Variants in CADPS observed in about 807,000 individuals in gnomAD.
CADPS encodes calcium-dependent secretion activator 1.
A neutral mutation model predicts 167.3 loss-of-function variants in CADPS; 57 were observed. The ratio of observed to expected loss-of-function variants is 0.34; its 90% CI spans 0.28 to 0.42. The LOEUF is 0.42. Among genes scored for constraint, CADPS ranks in the 20% least tolerant of loss-of-function variants. The pLI is 1.00. For synonymous variants in CADPS, 676 were observed against 635.3 expected, an observed-to-expected ratio of 1.06 and a Z score of -0.96; for missense variants, 1,414 against 1,738.1, an observed-to-expected ratio of 0.81 and a Z score of 3.32.
Position 62,645,856 on chromosome 3 carries a change from T to C in CADPS, c.1204-13A>G, listed in dbSNP as rs761598939. 6.2e-7 allele frequency: 1 copy of C among 1,613,926 alleles called. No individual in the cohort carries two copies. Among genetic ancestry groups the C allele is most frequent in the South Asian group, 1.1e-5 (1 of 91,066 alleles). ...CCATAATTACCACCTGAAAAGAGAA[T>C]TCCACATAATGGAGGTTATTGGCAA... is the stretch of plus-strand genomic sequence containing the variant. On this transcript the variant is annotated splice_polypyrimidine_tract_variant and intron_variant, in intron 5 of 29. Coordinates refer to ENST00000383710, the MANE Select transcript of CADPS (RefSeq NM_003716.4).
At chr3:62,545,530 A>G (rs2076323397) in intron 11 of CADPS, among the ~76,000 whole-genome samples, 1 of 152,188 alleles carries the variant, frequency 6.6e-6, no homozygotes, top group African/African-American at 2.4e-5. Context: ...AAAAAACTAC[A>G]AAAGAACAAA....
chr3:62,772,883 A>G (rs146432645), intron 1 of CADPS, among the ~76,000 whole-genome samples: 3,460 of 152,318 alleles, frequency 0.023, 64 homozygotes, highest in South Asian at 0.061. Context: ...TTGGGTGTAT[A>G]GAGATGTTCC....
In CADPS at chr3:62,874,925, G is replaced by A. The variant is rs766536644; in HGVS notation, c.105C>T (p.Pro35=). 9 of 1,498,288 alleles carry A rather than the reference G, an allele frequency of 6.0e-6. No individual in the cohort carries two copies. Among genetic ancestry groups the A allele is most frequent in the Middle Eastern group, 1.8e-4 (1 of 5,542 alleles). The allele number at this position is 1,498,288 out of a possible 1,614,324, so 92.8% of individuals were successfully genotyped here. ...GSAPSGARLS[P]SRTSEGSAGS... ...CGGCCGAGCCCTCGCTGGTACGGCTGGGAGACAGGCGCGCGCCGGACGGGG... is the reference window on the plus strand; with the variant it reads ...CGGCCGAGCCCTCGCTGGTACGGCTAGGAGACAGGCGCGCGCCGGACGGGG... Residue 35 remains proline, a synonymous_variant, in exon 1 of 30, where the codon CCC becomes CCT. Transcript: ENST00000383710. This position sits in a 1 kb window ranked among gnomAD's most constrained non-coding sequence, Gnocchi z 7.1.
At chr3:62,825,970 G>A (rs1184843796) in intron 1 of CADPS, among the ~76,000 whole-genome samples, 3 of 152,140 alleles carry the variant, frequency 2.0e-5, no homozygotes, top group African/African-American at 7.2e-5. Flanking sequence ...CAAATTCCTT[G>A]ACCTCAAAGA....
Position 62,532,953 on chromosome 3 carries a change from G to A in CADPS, c.2209C>T (p.Arg737Trp), listed in dbSNP as rs758477480. ...HLCYLRDLLE[R>W]AENGAMIDPT... ...TCGATCATGGCGCCATTTTCTGCCC[G>A]TTCAAGCAAGTCTCTGAGGTAGCAG... Residue 737 changes from arginine (R) to tryptophan (W), a missense_variant, in exon 13 of 30, where the codon CGG (arginine) becomes TGG (tryptophan). Coordinates refer to ENST00000383710, the MANE Select transcript of CADPS (RefSeq NM_003716.4). 38 of 1,613,776 alleles carry A rather than the reference G, an allele frequency of 2.4e-5. No homozygotes were observed. The highest frequency in any genetic ancestry group is 6.7e-5 in the African/African-American group (5 of 74,966).
Position 62,412,472 on chromosome 3 carries a change from T to C in CADPS, c.3778-9287A>G, listed in dbSNP as rs748896365. Among the ~76,000 whole-genome samples the C allele has an allele frequency of 8.5e-5, 13 of 152,208 alleles. No homozygotes were observed. The highest frequency in any genetic ancestry group is 1.2e-4 in the African/African-American group (5 of 41,456). On this transcript the variant is annotated intron_variant, in intron 28 of 29. Transcript: ENST00000383710. This position sits in a 1 kb window ranked among gnomAD's most constrained non-coding sequence, Gnocchi z 4.1. ...AATTATTACTGCTTAAAATATTTGC[T>C]GCTTCTGTGGGAAGGTATAAGGGAT... is the stretch of plus-strand genomic sequence containing the variant.
Position 62,501,766 on chromosome 3 carries a change from G to T in CADPS, c.2600-2498C>A, listed in dbSNP as rs527313825. Reference sequence around the variant, plus strand: ...TTAAAAAAAAGTCAATAATTTTTATGTTTGGAAAAATCCAAGATGTTGAAG... The same window carrying T: ...TTAAAAAAAAGTCAATAATTTTTATTTTTGGAAAAATCCAAGATGTTGAAG... On this transcript the variant is annotated intron_variant, in intron 17 of 29. Coordinates refer to ENST00000383710, the MANE Select transcript of CADPS (RefSeq NM_003716.4). Among the ~76,000 whole-genome samples, 84 of 152,236 alleles carry T rather than the reference G, an allele frequency of 5.5e-4. 3 individuals are homozygous for T. In the South Asian group the frequency reaches 0.017, roughly 30 times the overall value.
chr3:62,443,102 A>G (rs2056629559), intron 27 of CADPS, among the ~76,000 whole-genome samples: 2 of 152,204 alleles, frequency 1.3e-5, no homozygotes, highest in East Asian at 1.9e-4. Context: ...AATTACCACT[A>G]TCCAAATCAA....
intron 3 of CADPS, among the ~76,000 whole-genome samples, chr3:62,719,408 G>C (rs956279856): frequency 6.6e-6 from 1 of 152,152 alleles, no homozygotes; most frequent in African/African-American, 2.4e-5. Context: ...AAGTACCCCT[G>C]ACCCCACAGA....
intron 7 of CADPS, among the ~76,000 whole-genome samples, chr3:62,588,815 C>T (rs1031323494): frequency 5.9e-5 from 9 of 152,032 alleles, no homozygotes; most frequent in Non-Finnish European, 1.5e-5. Context: ...AAACTAATCA[C>T]CAAATATAAT....
chr3:62,627,810 C>G (rs1287320893), intron 6 of CADPS, among the ~76,000 whole-genome samples: 1 of 152,092 alleles, frequency 6.6e-6, no homozygotes, highest in Non-Finnish European at 1.5e-5. Context: ...TGTGTCATTA[C>G]TGATGCTTCC....
chr3:62,679,565 C>G lies in CADPS; in HGVS notation c.889-17171G>C, dbSNP rs1355412497. Among the ~76,000 whole-genome samples the G allele has an allele frequency of 2.6e-5, 4 of 151,964 alleles. No homozygotes were observed. In the East Asian group the frequency reaches 7.7e-4, roughly 29 times the overall value. On this transcript the variant is annotated intron_variant, in intron 3 of 29. Coordinates refer to ENST00000383710, the MANE Select transcript of CADPS (RefSeq NM_003716.4). ...TCATCCATGTCTCTCATGAGAGCACCAGCACTTAGCTGCCACCACACAGTG... is the reference window on the plus strand; with the variant it reads ...TCATCCATGTCTCTCATGAGAGCACGAGCACTTAGCTGCCACCACACAGTG...
rs1553783974 is a variant in CADPS at position 62,474,170 on chromosome 3, T to TTTTTTTTTTTTTTA, written c.3477+2_3477+3insTAAAAAAAAAAAAA. 1.3e-4 allele frequency: 199 copies of TTTTTTTTTTTTTTA among 1,475,026 alleles called. No homozygotes were observed. The highest frequency in any genetic ancestry group is 1.7e-4 in the Non-Finnish European group (183 of 1,105,538). The allele number at this position is 1,475,026 out of a possible 1,614,324, so 91.4% of individuals were successfully genotyped here. The stretch of plus-strand genomic sequence containing the variant: ...AAATCTGTATTTTTTTTTTTTTTTT[T>TTTTTTTTTTTTTTA]ACCTCTTGGCCCATTTCCATGCTGC... On this transcript the variant is annotated splice_region_variant and intron_variant, in intron 24 of 29. Transcript: ENST00000383710.
At chr3:62,611,733 G>A (rs2061527925) in intron 6 of CADPS, among the ~76,000 whole-genome samples, 1 of 152,140 alleles carries the variant, frequency 6.6e-6, no homozygotes, top group South Asian at 2.1e-4. Flanking sequence ...CATACTTACT[G>A]TTCCCTACGC....
At chr3:62,858,767 GA>G (rs146798776) in intron 1 of CADPS, among the ~76,000 whole-genome samples, 2,669 of 152,178 alleles carry the variant, frequency 0.018, 77 homozygotes, top group African/African-American at 0.06. Context: ...TCAAGGTTAT[GA>G]AACAAGTGTA....
At chr3:62,692,035 C>T (rs934259761) in intron 3 of CADPS, among the ~76,000 whole-genome samples, 1 of 151,990 alleles carries the variant, frequency 6.6e-6, no homozygotes, top group Non-Finnish European at 1.5e-5. Flanking sequence ...CTTACAGAAA[C>T]ATTGTCACTT....
chr3:62,508,309 C>T (rs1258718111), intron 17 of CADPS, among the ~76,000 whole-genome samples: 2 of 152,086 alleles, frequency 1.3e-5, no homozygotes, highest in Admixed American at 1.3e-4. Context: ...CTTCTTTTCT[C>T]CAGGCCTTGA....
chr3:62,592,744 C>T lies in CADPS; in HGVS notation c.1330G>A (p.Gly444Ser). The change falls in exon 7 of 30, where the codon GGC becomes AGC. Residue 444 changes from glycine (G) to serine (S), a missense_variant. Physicochemically the swap from Gly to Ser is moderately conservative, Grantham distance 56. This residue lies in a region of CADPS where 157 missense variants were observed against 229.4 expected (regional missense o/e 0.68). Transcript: ENST00000383710. ...DQAEASKPTW[G>S]TQGDFSTTHA... ...GTTGTGGAGAAGTCACCCTGGGTGC[C>T]CCAGCTGCAGACAGAATCAAAGAGG... The T allele has an allele frequency of 6.2e-7, 1 of 1,612,784 alleles. No homozygotes were observed. Among genetic ancestry groups the T allele is most frequent in the South Asian group, 1.1e-5 (1 of 91,048 alleles).
intron 7 of CADPS, among the ~76,000 whole-genome samples, chr3:62,588,890 G>A (rs1350152864): frequency 2.0e-5 from 3 of 152,100 alleles, no homozygotes; most frequent in Non-Finnish European, 2.9e-5. Flanking sequence ...TTTTAAAAGA[G>A]GGGGAATATA....
Sources: gnomAD v4.1 joint callset for allele counts (sites outside exome capture counted in the v4.1 genomes callset) on GRCh38, gnomAD v4.1.1 for gene constraint, gnomAD v4.1.1 regional missense constraint, Gnocchi (gnomAD v3.1) non-coding constraint, MANE v1.5 for transcripts, NCBI Gene and HGNC (gene_info 2026-07-23, HGNC 2026-07-21) for gene names.